The following STARD3 variants were observed in gnomAD, a reference collection of about 807,000 sequenced individuals.
STARD3 encodes the protein StAR related lipid transfer domain containing 3.
In STARD3, 39 loss-of-function variants were observed where a neutral mutation model predicts 62.0. That is an observed-to-expected ratio of 0.63 (90% confidence interval 0.49 to 0.82). The LOEUF (loss-of-function observed/expected upper bound fraction) is 0.82, where lower values mean the gene tolerates loss of function less well. Among genes scored for constraint, STARD3 ranks in the 40% least tolerant of loss-of-function variants. The pLI is 0.00. For missense variants in STARD3, 543 were observed against 584.5 expected, an observed-to-expected ratio of 0.93 and a Z score of 0.73; for synonymous variants, 229 against 242.4, an observed-to-expected ratio of 0.94 and a Z score of 0.51.
rs866576532 is a variant in STARD3, at chr17:39,656,926, C to G, written c.220-82C>G. On this transcript the variant is annotated intron_variant, in intron 2 of 14. Transcript: ENST00000336308. ...CCCCTCCAGGTTCCTCCATCCCCTA[C>G]CTCTTGCCCCTTCCGGGAGGTGAGG... 170 of 1,399,514 alleles carry G rather than the reference C, an allele frequency of 1.2e-4. No individual in the cohort carries two copies. In the African/African-American group the frequency reaches 2.2e-3, roughly 18 times the overall value. 86.7% of individuals were successfully genotyped at this position (1,399,514 alleles called of 1,614,324 possible).
rs137950697 is a variant in STARD3, at chr17:39,657,009, C to G, written c.221C>G (p.Thr74Ser). 1.8e-4 allele frequency: 293 copies of G among 1,614,158 alleles called. No individual in the cohort carries two copies. Among genetic ancestry groups the G allele is most frequent in the Non-Finnish European group, 2.4e-4 (278 of 1,180,008 alleles). The change falls in exon 3 of 15, where the codon ACC becomes AGC. Residue 74 changes from threonine to serine, a missense_variant and splice_region_variant. By Grantham distance (58) the Thr-to-Ser change is moderately conservative. Coordinates refer to ENST00000336308, the MANE Select transcript of STARD3 (RefSeq NM_006804.4). The stretch of plus-strand genomic sequence containing the variant: ...GCTCTTCCTGTCTCCCTCTCACAGA[C>G]CAACACAGGCATCCGTAAGAACTTG... Reference protein sequence around the residue: ...ISLLWIIELNTNTGIRKNLEQ... With the variant: ...ISLLWIIELNSNTGIRKNLEQ...
chr17:39,657,984 G>A lies in STARD3; in HGVS notation c.387G>A (p.Leu129=). ...CCTCCCCTGGGCAGGTCACGACGCT[G>A]GTGTCCAGTGCATTCCTCATTGTCA... ...RHWWVIAVTT[L]VSSAFLIVKV... Residue 129 remains leucine, a synonymous_variant, in exon 5 of 15, where the codon CTG becomes CTA. Coordinates refer to ENST00000336308, the MANE Select transcript of STARD3 (RefSeq NM_006804.4). 1.3e-6 allele frequency: 2 copies of A among 1,579,432 alleles called. No homozygotes were observed. Among genetic ancestry groups the A allele is most frequent in the Non-Finnish European group, 1.7e-6 (2 of 1,162,548 alleles).
At chr17:39,639,631 C>T (rs946169026) in intron 1 of STARD3, among the ~76,000 whole-genome samples, 6 of 152,182 alleles carry the variant, frequency 3.9e-5, no homozygotes, top group African/African-American at 1.2e-4. Flanking sequence ...CCTTTGCTGA[C>T]GCTGGCAATT....
rs527648918 is a variant in STARD3, at chr17:39,653,570, G to T, written c.39G>T (p.Glu13Asp). ...KLPRELTRDL[E>D]RSLPAVASLG... ...CCAGGGAGCTGACCCGAGACTTGGA[G>T]CGCAGCCTGCCTGCCGTGGCCTCCC... Residue 13 changes from glutamate to aspartate, a missense_variant, in exon 2 of 15, where the codon GAG becomes GAT. Coordinates refer to ENST00000336308, the MANE Select transcript of STARD3 (RefSeq NM_006804.4). 9.9e-6 allele frequency: 16 copies of T among 1,608,260 alleles called. 1 individual carries two copies. In the South Asian group the frequency reaches 1.3e-4, roughly 13 times the overall value.
In STARD3 at chr17:39,660,920, C is replaced by T; in HGVS notation, c.1034+31C>T. 3 of 1,607,312 alleles carry T rather than the reference C, an allele frequency of 1.9e-6. No individual in the cohort carries two copies. The highest frequency in any genetic ancestry group is 2.6e-6 in the Non-Finnish European group (3 of 1,174,990). ...TCCATGCCGGGCCCCCTCCTTTCAG[C>T]CAGGTCTTCTGCACTTTGGCCTTGG... On this transcript the variant is annotated intron_variant, in intron 12 of 14. Transcript: ENST00000336308. The surrounding 1 kb of genome is among the most constrained non-coding windows in gnomAD (Gnocchi z 4.8).
At chr17:39,658,965 C>T (rs2057163415) in intron 7 of STARD3, 86 bp from the exon 8 acceptor site, 2 of 1,577,376 alleles carry the variant, frequency 1.3e-6, no homozygotes, top group Non-Finnish European at 1.7e-6. Context: ...TCCCCCACAT[C>T]CTTGCACTCA....
chr17:39,656,504 C>T (rs1450000889), intron 2 of STARD3, among the ~76,000 whole-genome samples: 1 of 152,158 alleles, frequency 6.6e-6, no homozygotes, highest in African/African-American at 2.4e-5. Flanking sequence ...TCTCAAGCAG[C>T]GTGATGGATT....
At chr17:39,645,844 A>T (rs2057021056) in intron 1 of STARD3, among the ~76,000 whole-genome samples, 1 of 118,418 alleles carries the variant, frequency 8.4e-6, no homozygotes, top group Non-Finnish European at 1.7e-5. Flanking sequence ...CCTGACACCT[A>T]CCTCAACACC....
intron 1 of STARD3, among the ~76,000 whole-genome samples, chr17:39,640,264 G>C (rs1477573116): frequency 2.0e-5 from 3 of 152,208 alleles, no homozygotes; most frequent in African/African-American, 7.2e-5. Context: ...TGAGGAAGCT[G>C]AGGTTCAGGG....
At chr17:39,643,027 G>T (rs1254855958) in intron 1 of STARD3, among the ~76,000 whole-genome samples, 1 of 152,158 alleles carries the variant, frequency 6.6e-6, no homozygotes, top group African/African-American at 2.4e-5. Context: ...GGGCACTGGG[G>T]AGATGTGATC....
At chr17:39,653,152 A>G (rs2057093080) in intron 1 of STARD3, 3 of 282,546 alleles carry the variant, frequency 1.1e-5, no homozygotes, top group Non-Finnish European at 1.4e-5. Context: ...GCTCAGGGCT[A>G]GGCCTGGTAG....
rs761416520 is a variant in STARD3 at position 39,661,000 on chromosome 17, C to A, written c.1054C>A (p.Arg352Ser). ...VSPRDFVNVR[R>S]IERRRDRYLS... ...CCGCAGGGACTTCGTGAATGTCCGG[C>A]GCATTGAGCGGCGCAGGGACCGATA... The change falls in exon 13 of 15, where the codon CGC becomes AGC. Residue 352 changes from arginine to serine, a missense_variant. Arg to Ser is a moderately radical substitution (Grantham distance 110). Transcript: ENST00000336308. The surrounding 1 kb of genome is among the most constrained non-coding windows in gnomAD (Gnocchi z 4.8). 5.0e-6 allele frequency: 8 copies of A among 1,613,660 alleles called. No individual in the cohort carries two copies. Among genetic ancestry groups the A allele is most frequent in the Non-Finnish European group, 6.8e-6 (8 of 1,179,994 alleles).
At chr17:39,645,382 A>C (rs1049023788) in intron 1 of STARD3, among the ~76,000 whole-genome samples, 2 of 152,222 alleles carry the variant, frequency 1.3e-5, no homozygotes, top group Non-Finnish European at 2.9e-5. Context: ...ATTTGAACCC[A>C]CGCCTTTTGG....
intron 1 of STARD3, among the ~76,000 whole-genome samples, chr17:39,642,817 C>G (rs1179550782): frequency 6.6e-6 from 1 of 152,126 alleles, no homozygotes; most frequent in Non-Finnish European, 1.5e-5. Flanking sequence ...GCAAGTCATG[C>G]AAAGACCTGG....
rs187834561 is a variant in STARD3 at position 39,648,969 on chromosome 17, C to T, written c.-51-4512C>T. On this transcript the variant is annotated intron_variant, in intron 1 of 14. Transcript: ENST00000336308. ...AGACACAGAAGTAGACTGGAGTAGGCGAGCGACAGCACCTGGAAGTGAGGC... is the reference window on the plus strand; with the variant it reads ...AGACACAGAAGTAGACTGGAGTAGGTGAGCGACAGCACCTGGAAGTGAGGC... Among the ~76,000 whole-genome samples, 337 of 151,928 alleles carry T rather than the reference C, an allele frequency of 2.2e-3. 1 individual carries two copies. Among genetic ancestry groups the T allele is most frequent in the African/African-American group, 7.9e-3 (329 of 41,408 alleles).
chr17:39,661,122 C>G (rs2057193524), intron 13 of STARD3, 37 bp downstream of exon 13: 1 of 1,595,810 alleles, frequency 6.3e-7, no homozygotes, highest in Non-Finnish European at 8.6e-7. Flanking sequence ...CCCTGCCAGC[C>G]CCTCCCCTGG....
chr17:39,659,493 C>G lies in STARD3; in HGVS notation c.735C>G (p.Ala245=), dbSNP rs1470193518. The G allele has an allele frequency of 9.3e-6, 15 of 1,614,128 alleles. No individual in the cohort carries two copies. Among genetic ancestry groups the G allele is most frequent in the Non-Finnish European group, 1.2e-5 (14 of 1,180,014 alleles). Residue 245 remains alanine (A), a synonymous_variant, in exon 9 of 15, where the codon GCC becomes GCG. Coordinates refer to ENST00000336308, the MANE Select transcript of STARD3 (RefSeq NM_006804.4). ...AGTACATCCGCCAGGGGAAGGAGGC[C>G]ACGGCAGTGGTGGACCAGATCTTGG... ...EREYIRQGKE[A]TAVVDQILAQ...
intron 1 of STARD3, among the ~76,000 whole-genome samples, chr17:39,645,936 G>T (rs147780109): frequency 9.1e-6 from 1 of 109,924 alleles, no homozygotes; most frequent in Admixed American, 1.4e-4. Flanking sequence ...CTGTCACCCA[G>T]ACTGGAATGC....
chr17:39,644,672 C>CAAAAAAA (rs3029516), intron 1 of STARD3, among the ~76,000 whole-genome samples: 3 of 112,452 alleles, frequency 2.7e-5, no homozygotes, highest in African/African-American at 1.1e-4. Context: ...CCTGTCTCTA[C>CAAAAAAA]AAAAAAAAAA....
Sources: allele counts gnomAD v4.1 joint callset (sites outside exome capture counted in the v4.1 genomes callset), GRCh38; gene constraint gnomAD v4.1.1; non-coding constraint Gnocchi (gnomAD v3.1); transcripts MANE v1.5; gene names NCBI Gene and HGNC (gene_info 2026-07-23, HGNC 2026-07-21).